Variants in GIPR observed in about 807,000 individuals in gnomAD.
GIPR encodes the protein gastric inhibitory polypeptide receptor.
A neutral mutation model predicts 62.2 loss-of-function variants in GIPR; 74 were observed. The observed-to-expected ratio is 1.19, with a 90% CI of 0.99 to 1.44. GIPR has a LOEUF of 1.44. Among genes scored for constraint, GIPR ranks in the 40% most tolerant of loss-of-function variants. The pLI is 0.00. For missense variants in GIPR, 664 were observed against 611.8 expected (o/e 1.09, Z -0.90); for synonymous variants, 256 against 262.2 (o/e 0.98, Z 0.23).
At position 45,682,045 on chromosome 19, in the gene GIPR, G is replaced by T. The variant is rs956330460; in HGVS notation, c.*110G>T. On this transcript the variant is annotated 3_prime_UTR_variant, in exon 14 of 14. Coordinates refer to ENST00000590918, the MANE Select transcript of GIPR (RefSeq NM_000164.4). ...GAAATGGTGAAGGAAACAGAAAAAA[G>T]GTCCCTGCCCTTCTGGAGATGACAA... 1.2e-5 allele frequency: 11 copies of T among 942,070 alleles called. No individual in the cohort carries two copies. The African/African-American group carries it at 1.8e-4, about 16-fold the overall frequency. 58.4% of individuals were successfully genotyped at this position (942,070 alleles called of 1,614,324 possible).
At chr19:45,679,563 G>C (rs1039782946) in intron 12 of GIPR, among the ~76,000 whole-genome samples, 1 of 151,736 alleles carries the variant, frequency 6.6e-6, no homozygotes, top group Non-Finnish European at 1.5e-5. Flanking sequence ...CAAGAAAAGA[G>C]ATGAGGAGTG....
At chr19:45,679,873 G>A (rs1454531718) in intron 12 of GIPR, among the ~76,000 whole-genome samples, 1 of 151,980 alleles carries the variant, frequency 6.6e-6, no homozygotes, top group African/African-American at 2.4e-5. Context: ...AGATTCGAGC[G>A]ATTCTCTTGC....
Position 45,678,097 on chromosome 19 carries a change from C to G in GIPR, c.1023C>G (p.Arg341=), listed in dbSNP as rs770476815. 3 of 1,612,728 alleles carry G rather than the reference C, an allele frequency of 1.9e-6. No individual in the cohort carries two copies. The Admixed American group carries it at 5.0e-5, about 27-fold the overall frequency. Residue 341 remains arginine (R), a synonymous_variant, in exon 12 of 14, where the codon CGC becomes CGG. Transcript: ENST00000590918. Reference sequence around the variant, plus strand: ...CGCCCTCTCTCCCCAGGCTGGCTCGCTCCACGCTGACGCTGGTGCCCCTGC... The same window carrying G: ...CGCCCTCTCTCCCCAGGCTGGCTCGGTCCACGCTGACGCTGGTGCCCCTGC... ...RCRDYRLRLA[R]STLTLVPLLG...
intron 12 of GIPR, among the ~76,000 whole-genome samples, chr19:45,679,647 G>A (rs1166661171): frequency 6.6e-6 from 1 of 151,992 alleles, no homozygotes; most frequent in African/African-American, 2.4e-5. Context: ...CTGTTGTCCA[G>A]GCTGGATCCA....
chr19:45,669,259 G>A (rs1975410731), intron 1 of GIPR, among the ~76,000 whole-genome samples: 1 of 152,018 alleles, frequency 6.6e-6, no homozygotes, highest in African/African-American at 2.4e-5. Flanking sequence ...ATCACTTAAG[G>A]GGCCCCGCCC....
intron 8 of GIPR, 48 bp from the exon 9 acceptor site, chr19:45,677,275 C>T (rs1324455935): frequency 2.9e-6 from 4 of 1,382,302 alleles, no homozygotes; most frequent in Admixed American, 4.0e-5. Flanking sequence ...CCCGTGAGCG[C>T]GCTGACAGCT....
chr19:45,680,529 G>C (rs1013504113), intron 12 of GIPR, among the ~76,000 whole-genome samples: 7 of 151,892 alleles, frequency 4.6e-5, no homozygotes, highest in African/African-American at 1.7e-4. Context: ...GCCAGACCCT[G>C]TCTCAAAAAA....
At chr19:45,673,452 T>C (rs573363485) in intron 5 of GIPR, among the ~76,000 whole-genome samples, 5 of 148,250 alleles carry the variant, frequency 3.4e-5, no homozygotes, top group African/African-American at 1.2e-4. Context: ...AAGAATGCTG[T>C]AGTTGGGCCA....
At position 45,682,187 on chromosome 19, in the gene GIPR, G is replaced by A; in HGVS notation, c.*252G>A. Reference sequence around the variant, plus strand: ...GTGGTCTGGGAGGCGTCTCCAAGGAGGTGACACTTAAGCCATCCCCGAAAG... The same window carrying A: ...GTGGTCTGGGAGGCGTCTCCAAGGAAGTGACACTTAAGCCATCCCCGAAAG... On this transcript the variant is annotated 3_prime_UTR_variant, in exon 14 of 14. Coordinates refer to ENST00000590918, the MANE Select transcript of GIPR (RefSeq NM_000164.4). 1.9e-6 allele frequency: 1 copy of A among 531,078 alleles called. No homozygotes were observed. Among genetic ancestry groups the A allele is most frequent in the Non-Finnish European group, 3.3e-6 (1 of 300,714 alleles). 32.9% of individuals were successfully genotyped at this position (531,078 alleles called of 1,614,324 possible).
chr19:45,678,168 C>T lies in GIPR; in HGVS notation c.1094C>T (p.Ala365Val). 6.2e-7 allele frequency: 1 copy of T among 1,603,720 alleles called. No individual in the cohort carries two copies. The highest frequency in any genetic ancestry group is 8.5e-7 in the Non-Finnish European group (1 of 1,175,948). ...TTTGCTCCCGTGACAGAGGAACAGGCCCGGGGCGCCCTGCGCTTCGCCAAG... is the reference window on the plus strand; with the variant it reads ...TTTGCTCCCGTGACAGAGGAACAGGTCCGGGGCGCCCTGCGCTTCGCCAAG... ...VVFAPVTEEQ[A>V]RGALRFAKLG... Residue 365 changes from alanine to valine, a missense_variant, in exon 12 of 14, where the codon GCC becomes GTC. By Grantham distance (64) the Ala-to-Val change is moderately conservative (BLOSUM62 0). Transcript: ENST00000590918.
At chr19:45,677,176 G>T (rs1966983252) in intron 8 of GIPR, 68 bp downstream of exon 8, 4 of 1,540,898 alleles carry the variant, frequency 2.6e-6, no homozygotes, top group Non-Finnish European at 2.7e-6. Context: ...CTGCCCTGCT[G>T]GTTGGCCTCT....
chr19:45,673,955 T>C (rs1415704568), intron 5 of GIPR, 119 bp from the exon 6 acceptor site: 4 of 775,478 alleles, frequency 5.2e-6, no homozygotes, highest in Non-Finnish European at 9.5e-6. Flanking sequence ...GGGTAAGCAG[T>C]TCCCCAAGAT....
chr19:45,681,784 G>T lies in GIPR; in HGVS notation c.1250G>T (p.Gly417Val). The T allele has an allele frequency of 6.3e-7, 1 of 1,595,882 alleles. No individual in the cohort carries two copies. The highest frequency in any genetic ancestry group is 1.7e-5 in the Admixed American group (1 of 57,200). ...WHHCRLRRSL[G>V]EEQRQLPERA... ...CACTGCCGCCTGCGCCGCAGCCTGG[G>T]CGAGGAGCAACGCCAGCTCCCGGAG... Residue 417 changes from glycine to valine, a missense_variant, in exon 14 of 14, where the codon GGC becomes GTC. By Grantham distance (109) the Gly-to-Val change is moderately radical (BLOSUM62 -3). Transcript: ENST00000590918.
At chr19:45,674,620 A>G in intron 6 of GIPR, 62 bp from the exon 7 acceptor site, 1 of 1,514,142 alleles carries the variant, frequency 6.6e-7, no homozygotes, top group East Asian at 2.3e-5. Flanking sequence ...AAAAAAATAG[A>G]ACTCTGTGTG....
At chr19:45,671,191 C>T in intron 3 of GIPR, 94 bp from the exon 4 acceptor site, 1 of 790,380 alleles carries the variant, frequency 1.3e-6, no homozygotes, top group East Asian at 2.4e-5. Flanking sequence ...AGCACTTGGC[C>T]CACTGCGGAG....
chr19:45,673,629 G>C (rs908149383), intron 5 of GIPR, among the ~76,000 whole-genome samples: 2 of 151,988 alleles, frequency 1.3e-5, no homozygotes, highest in East Asian at 1.9e-4. Flanking sequence ...ACTTTGGGAG[G>C]CCAAGGCGGG....
At position 45,683,278 on chromosome 19, in the gene GIPR, G is replaced by A. The variant is rs2146109368; in HGVS notation, c.*1343G>A. The stretch of plus-strand genomic sequence containing the variant: ...TGTGAGAGGCACTGGGTCCTGAGAG[G>A]GTGATTTGGTGTGGACCGGAGCACA... On this transcript the variant is annotated 3_prime_UTR_variant, in exon 14 of 14. Transcript: ENST00000590918. 6.6e-6 allele frequency: 1 copy of A among 152,606 alleles called. No homozygotes were observed. The highest frequency in any genetic ancestry group is 1.9e-4 in the East Asian group (1 of 5,180). 9.5% of individuals were successfully genotyped at this position (152,606 alleles called of 1,614,324 possible).
rs532845851 is a variant in GIPR at position 45,676,909 on chromosome 19, C to T, written c.634-40C>T. On this transcript the variant is annotated intron_variant, in intron 7 of 13. Coordinates refer to ENST00000590918, the MANE Select transcript of GIPR (RefSeq NM_000164.4). ...TGGGGGAGACTGGGAGACACCCGGG[C>T]AGCGCTGACTACCCCTCTACCGGTC... 77 of 1,597,294 alleles carry T rather than the reference C, an allele frequency of 4.8e-5. No individual in the cohort carries two copies. The African/African-American group carries it at 8.7e-4, about 18-fold the overall frequency.
In GIPR at chr19:45,681,915, G is replaced by C; in HGVS notation, c.1381G>C (p.Glu461Gln). Reference sequence around the variant, plus strand: ...AGGGCCTGGGAATGAGGCCAGCCGGGAGTTGGAAAGTTACTGCTAGGGGGC... The same window carrying C: ...AGGGCCTGGGAATGAGGCCAGCCGGCAGTTGGAAAGTTACTGCTAGGGGGC... ...LPGPGNEASRELESYC is the reference protein window; with the variant it reads ...LPGPGNEASRQLESYC The change falls in exon 14 of 14, where the codon GAG (glutamate) becomes CAG (glutamine). Residue 461 changes from glutamate (E) to glutamine (Q), a missense_variant. Coordinates refer to ENST00000590918, the MANE Select transcript of GIPR (RefSeq NM_000164.4). 6.4e-7 allele frequency: 1 copy of C among 1,560,348 alleles called. No homozygotes were observed. The highest frequency in any genetic ancestry group is 8.7e-7 in the Non-Finnish European group (1 of 1,151,484).
Sources: gnomAD v4.1 joint callset for allele counts (sites outside exome capture counted in the v4.1 genomes callset) on GRCh38, gnomAD v4.1.1 for gene constraint, MANE v1.5 for transcripts, NCBI Gene and HGNC (gene_info 2026-07-23, HGNC 2026-07-21) for gene names.